The following PCDHGB3 variants were observed in gnomAD, a reference collection of about 807,000 sequenced individuals.
PCDHGB3 encodes protocadherin gamma-B3.
In PCDHGB3, 40 loss-of-function variants were observed where a neutral mutation model predicts 59.2. The observed-to-expected ratio is 0.68, with a 90% CI of 0.52 to 0.88. PCDHGB3 has a LOEUF of 0.88. PCDHGB3 is among the 40% of genes least tolerant of loss of function. The pLI, the probability that PCDHGB3 is intolerant of heterozygous loss-of-function variation, is 0.00. For missense variants in PCDHGB3, 1,309 were observed against 1,187.9 expected, an observed-to-expected ratio of 1.10 and a Z score of -1.50; for synonymous variants, 581 against 503.6, an observed-to-expected ratio of 1.15 and a Z score of -2.06.
Position 141,460,747 on chromosome 5 carries a change from G to A in PCDHGB3, c.2416-34060G>A, listed in dbSNP as rs148154304. On this transcript the variant is annotated intron_variant, in intron 1 of 3. Transcript: ENST00000576222. ...GCATATATACACATTGTATATATAT[G>A]TGTACATATACATATTGCATATGTA... Among the ~76,000 whole-genome samples, 351 of 151,000 alleles carry A rather than the reference G, an allele frequency of 2.3e-3. 2 individuals are homozygous for A. The highest frequency in any genetic ancestry group is 6.8e-3 in the Middle Eastern group (2 of 294).
At chr5:141,383,126 C>A in intron 1 of PCDHGB3, 1 of 1,614,062 alleles carries the variant, frequency 6.2e-7, no homozygotes, top group East Asian at 2.2e-5. Context: ...CAGCTTTTCG[C>A]CCTGAACCAG....
chr5:141,414,597 C>T, intron 1 of PCDHGB3: 5 of 1,613,972 alleles, frequency 3.1e-6, no homozygotes, highest in Non-Finnish European at 3.4e-6. Flanking sequence ...GGGGTGCCTC[C>T]ATCTTCTCAG....
rs796186624 is a variant in PCDHGB3, at chr5:141,370,789, C to A, written c.395C>A (p.Thr132Asn). 4 of 1,613,906 alleles carry A rather than the reference C, an allele frequency of 2.5e-6. No homozygotes were observed. The highest frequency in any genetic ancestry group is 3.4e-6 in the Non-Finnish European group (4 of 1,179,912). The change falls in exon 1 of 4, where the codon ACC becomes AAC. Residue 132 changes from threonine to asparagine, a missense_variant. Thr to Asn is a moderately conservative substitution (Grantham distance 65, BLOSUM62 0). Transcript: ENST00000576222. The stretch of plus-strand genomic sequence containing the variant: ...CAGGATATTAACGACAACCCACCGA[C>A]CTTTAGCCAAAATATCACTGAGCTG... ...LIQDINDNPP[T>N]FSQNITELEI...
Position 141,477,554 on chromosome 5 carries a change from A to T in PCDHGB3, c.2416-17253A>T. The T allele has an allele frequency of 6.2e-7, 1 of 1,614,112 alleles. No homozygotes were observed. Among genetic ancestry groups the T allele is most frequent in the South Asian group, 1.1e-5 (1 of 91,086 alleles). Reference sequence around the variant, plus strand: ...CCCCGGGGCTCCAATACTAAACCTAAGTGTCTGGGACCCCGACGCCCCGCA... The same window carrying T: ...CCCCGGGGCTCCAATACTAAACCTATGTGTCTGGGACCCCGACGCCCCGCA... On this transcript the variant is annotated intron_variant, in intron 1 of 3. Transcript: ENST00000576222. This position sits in a 1 kb window ranked among gnomAD's most constrained non-coding sequence, Gnocchi z 4.9.
intron 1 of PCDHGB3, chr5:141,393,681 C>G (rs2092820491): frequency 1.2e-6 from 2 of 1,613,772 alleles, no homozygotes; most frequent in Non-Finnish European, 1.7e-6. Context: ...AAAACAAACT[C>G]CGTTATTCCA....
chr5:141,509,602 C>T (rs921950654), intron 3 of PCDHGB3, among the ~76,000 whole-genome samples: 8 of 152,194 alleles, frequency 5.3e-5, no homozygotes, highest in Non-Finnish European at 8.8e-5. Context: ...TTCCGAGAGG[C>T]TGCATTCTAA....
intron 1 of PCDHGB3, chr5:141,399,680 A>T: frequency 6.2e-7 from 1 of 1,613,514 alleles, no homozygotes; most frequent in Non-Finnish European, 8.5e-7. Context: ...GCCTTTGACT[A>T]CGAGCAGCTG....
intron 1 of PCDHGB3, among the ~76,000 whole-genome samples, chr5:141,458,298 A>G (rs2098942125): frequency 6.6e-6 from 1 of 152,178 alleles, no homozygotes; most frequent in African/African-American, 2.4e-5. Context: ...ATGCTGGTTT[A>G]GATAAAATGA....
intron 1 of PCDHGB3, chr5:141,418,983 A>T: frequency 6.2e-7 from 1 of 1,613,900 alleles, no homozygotes; most frequent in Admixed American, 1.7e-5. Context: ...CGGGACCAAG[A>T]CTCAGGGGAA....
chr5:141,404,073 G>A lies in PCDHGB3; in HGVS notation c.2415+31264G>A, dbSNP rs746951310. On this transcript the variant is annotated intron_variant, in intron 1 of 3. Transcript: ENST00000576222. The stretch of plus-strand genomic sequence containing the variant: ...ATTCTTCTTTTCAATGCTCATGACC[G>A]AGACTCCGGGAAGAATGGTCAAGTT... The A allele has an allele frequency of 1.5e-5, 24 of 1,613,602 alleles. No individual in the cohort carries two copies. Among genetic ancestry groups the A allele is most frequent in the Non-Finnish European group, 1.9e-5 (22 of 1,179,684 alleles).
At chr5:141,419,096 G>T in intron 1 of PCDHGB3, 9 of 1,613,918 alleles carry the variant, frequency 5.6e-6, no homozygotes, top group Non-Finnish European at 7.6e-6. Context: ...CCTGGATCGG[G>T]AGCAGACCCC....
In PCDHGB3 at chr5:141,485,974, A is replaced by G. The variant is rs755735500; in HGVS notation, c.2416-8833A>G. 1.9e-6 allele frequency: 3 copies of G among 1,614,108 alleles called. No homozygotes were observed. The highest frequency in any genetic ancestry group is 1.7e-5 in the Admixed American group (1 of 60,014). On this transcript the variant is annotated intron_variant, in intron 1 of 3. Coordinates refer to ENST00000576222, the MANE Select transcript of PCDHGB3 (RefSeq NM_018924.5). This position sits in a 1 kb window ranked among gnomAD's most constrained non-coding sequence, Gnocchi z 5.7. ...TGGTGCTCATCCAGCTCAATGCCTC[A>G]GACCCGGACCTGGGTCCCAGTGGTA...
intron 1 of PCDHGB3, among the ~76,000 whole-genome samples, chr5:141,450,322 T>A (rs1246284108): frequency 6.6e-6 from 1 of 152,106 alleles, no homozygotes; most frequent in African/African-American, 2.4e-5. Context: ...CTAGTTGCCA[T>A]GTCTCTTTAA....
Position 141,408,306 on chromosome 5 carries a change from A to C in PCDHGB3, c.2415+35497A>C, listed in dbSNP as rs866086431. On this transcript the variant is annotated intron_variant, in intron 1 of 3. Transcript: ENST00000576222. Reference sequence around the variant, plus strand: ...CCCACCCTGAGTGAGCCGATCCGCTACTCGATTCCGGAGGAGCTGGCCAAG... The same window carrying C: ...CCCACCCTGAGTGAGCCGATCCGCTCCTCGATTCCGGAGGAGCTGGCCAAG... The C allele has an allele frequency of 1.2e-6, 2 of 1,613,586 alleles. No homozygotes were observed. Among genetic ancestry groups the C allele is most frequent in the South Asian group, 1.1e-5 (1 of 91,062 alleles).
At chr5:141,387,637 G>C in intron 1 of PCDHGB3, 1 of 603,262 alleles carries the variant, frequency 1.7e-6, no homozygotes, top group Non-Finnish European at 2.8e-6. Flanking sequence ...GGGCGCCGCT[G>C]TTGGCCAAAG....
chr5:141,418,821 C>G (rs750200042), intron 1 of PCDHGB3: 1 of 1,613,846 alleles, frequency 6.2e-7, no homozygotes, highest in Non-Finnish European at 8.5e-7. Flanking sequence ...AACATAGAAG[C>G]AAAAGACCGA....
intron 1 of PCDHGB3, chr5:141,422,941 G>A (rs777535652): frequency 9.9e-6 from 16 of 1,614,218 alleles, no homozygotes; most frequent in East Asian, 4.5e-5. Context: ...CCCCACAGAC[G>A]GCTCCACTGG....
chr5:141,389,200 A>C, intron 1 of PCDHGB3: 1 of 1,614,034 alleles, frequency 6.2e-7, no homozygotes, highest in Non-Finnish European at 8.5e-7. Context: ...ATCACCCTGC[A>C]CATTGGTGAT....
intron 1 of PCDHGB3, chr5:141,408,869 A>G (rs754873472): frequency 1.9e-6 from 3 of 1,613,572 alleles, no homozygotes; most frequent in African/African-American, 2.7e-5. Flanking sequence ...CCCACCAAGA[A>G]GTGCCACCGC....
Sources: gnomAD v4.1 joint callset for allele counts (sites outside exome capture counted in the v4.1 genomes callset) on GRCh38, gnomAD v4.1.1 for gene constraint, Gnocchi (gnomAD v3.1) non-coding constraint, MANE v1.5 for transcripts, NCBI Gene and HGNC (gene_info 2026-07-23, HGNC 2026-07-21) for gene names.